Variants in MINDY2 observed in about 807,000 individuals in gnomAD.
The protein encoded by MINDY2 is ubiquitin carboxyl-terminal hydrolase MINDY-2.
MINDY2 carries 52 observed loss-of-function variants against 68.2 expected under a neutral mutation model. The ratio of observed to expected loss-of-function variants is 0.76; its 90% confidence interval spans 0.61 to 0.96. MINDY2 has a LOEUF of 0.96. MINDY2 is among the 40% of genes least tolerant of loss of function. The pLI is 0.00. For synonymous variants in MINDY2, 372 were observed against 303.0 expected, an observed-to-expected ratio of 1.23 and a Z score of -2.36; for missense variants, 881 against 773.4, an observed-to-expected ratio of 1.14 and a Z score of -1.65.
chr15:58,854,545 C>G lies in MINDY2; in HGVS notation c.1801C>G (p.Arg601Gly), dbSNP rs778614769. 5.6e-6 allele frequency: 9 copies of G among 1,612,844 alleles called. No homozygotes were observed. Among genetic ancestry groups the G allele is most frequent in the East Asian group, 2.2e-5 (1 of 44,870 alleles). The change falls in exon 9 of 9, where the codon CGG (arginine) becomes GGG (glycine). Residue 601 changes from arginine to glycine, a missense_variant. Arg to Gly is a moderately radical substitution (Grantham distance 125). Coordinates refer to ENST00000559228, the MANE Select transcript of MINDY2 (RefSeq NM_001040450.3). ...GRQSGNSERK[R>G]KEPREKDKEK... ...ACAATCTGGGAATAGTGAACGTAAA[C>G]GGAAGGAACCACGAGAAAAAGATAA...
intron 3 of MINDY2, among the ~76,000 whole-genome samples, chr15:58,807,159 C>T (rs1310942452): frequency 6.6e-6 from 1 of 151,964 alleles, no homozygotes; most frequent in Non-Finnish European, 1.5e-5. Context: ...TTATCAAACC[C>T]CTCTACAAAC....
chr15:58,852,287 C>CAGAAAAAAAAA (rs1769587750), intron 8 of MINDY2, among the ~76,000 whole-genome samples: 1 of 61,932 alleles, frequency 1.6e-5, no homozygotes, highest in Non-Finnish European at 2.8e-5. Flanking sequence ...GACTCCTTCT[C>CAGAAAAAAAAA]AAAAAAAAAA....
Position 58,810,401 on chromosome 15 carries a change from A to G in MINDY2, c.1122+13A>G. 6.5e-7 allele frequency: 1 copy of G among 1,545,808 alleles called. No homozygotes were observed. Among genetic ancestry groups the G allele is most frequent in the South Asian group, 1.2e-5 (1 of 81,794 alleles). ...AGTAGACCCTCAGGTAAGTCGAAGA[A>G]TTTAAATTATGTAAACACAAATACA... On this transcript the variant is annotated intron_variant, in intron 4 of 8. Transcript: ENST00000559228.
intron 6 of MINDY2, among the ~76,000 whole-genome samples, chr15:58,841,324 C>T (rs1453268087): frequency 2.6e-5 from 4 of 151,576 alleles, no homozygotes; most frequent in Admixed American, 1.3e-4. Flanking sequence ...TTTTGGGGGC[C>T]AGATACAGTG....
chr15:58,818,977 G>A (rs2030883866), intron 4 of MINDY2, among the ~76,000 whole-genome samples: 1 of 151,842 alleles, frequency 6.6e-6, no homozygotes, highest in Non-Finnish European at 1.5e-5. Context: ...TTGGGTTTTG[G>A]GGGGTTTTGT....
intron 5 of MINDY2, among the ~76,000 whole-genome samples, chr15:58,822,251 C>T (rs1321737771): frequency 1.6e-5 from 2 of 127,464 alleles, no homozygotes; most frequent in African/African-American, 5.8e-5. Flanking sequence ...GACTCTGTAT[C>T]AAAAAAAAAA....
intron 1 of MINDY2, among the ~76,000 whole-genome samples, chr15:58,781,748 CA>C (rs1433755813): frequency 9.9e-5 from 15 of 151,994 alleles, no homozygotes; most frequent in African/African-American, 3.6e-4. Context: ...ACTAAAAATG[CA>C]AAAATTAGCC....
chr15:58,839,794 A>G (rs1595771355), intron 6 of MINDY2, among the ~76,000 whole-genome samples: 1 of 149,952 alleles, frequency 6.7e-6, no homozygotes, highest in Non-Finnish European at 1.5e-5. Flanking sequence ...TTTCATCTTT[A>G]TCTATTTATT....
chr15:58,778,043 C>G (rs1900886057), intron 1 of MINDY2, among the ~76,000 whole-genome samples: 1 of 151,860 alleles, frequency 6.6e-6, no homozygotes. Flanking sequence ...TGAAGTTAAG[C>G]CAGAAGGTAT....
At chr15:58,823,557 T>C (rs1221161427) in intron 5 of MINDY2, among the ~76,000 whole-genome samples, 2 of 151,892 alleles carry the variant, frequency 1.3e-5, no homozygotes, top group African/African-American at 4.8e-5. Flanking sequence ...TCCACGTACT[T>C]GGGAGGCTGA....
intron 6 of MINDY2, 46 bp from the exon 7 acceptor site, chr15:58,847,251 T>G: frequency 7.0e-7 from 1 of 1,436,924 alleles, no homozygotes; most frequent in South Asian, 1.4e-5. Flanking sequence ...TATTACTAGT[T>G]TTGATCAATT....
rs780140528 is a variant in MINDY2 at position 58,838,582 on chromosome 15, A to ATTTTTTT, written c.1368+6682_1368+6688dup. Among the ~76,000 whole-genome samples, 389 of 93,070 alleles carry ATTTTTTT rather than the reference A, an allele frequency of 4.2e-3. 18 individuals are homozygous for ATTTTTTT. The highest frequency in any genetic ancestry group is 6.9e-3 in the East Asian group (16 of 2,328). The allele number at this position is 93,070 out of a possible 152,430, so 61.1% of individuals were successfully genotyped here. A position where few individuals can be genotyped will look rare whatever the true frequency, so the allele number is the denominator to read the frequency against. ...TTGTTAGTGGGGCTACTTTTTAGGG[A>ATTTTTTT]TTTTTTTTTTTTTTTTTTTTTTGAG... On this transcript the variant is annotated intron_variant, in intron 6 of 8. Transcript: ENST00000559228.
chr15:58,775,931 T>C (rs1169424130), intron 1 of MINDY2, among the ~76,000 whole-genome samples: 1 of 151,062 alleles, frequency 6.6e-6, no homozygotes, highest in Non-Finnish European at 1.5e-5. Context: ...GGCAGGATCT[T>C]GGCTCACTGC....
intron 2 of MINDY2, among the ~76,000 whole-genome samples, chr15:58,789,233 G>A (rs1193285695): frequency 6.6e-6 from 1 of 152,062 alleles, no homozygotes; most frequent in Non-Finnish European, 1.5e-5. Flanking sequence ...AGCTACTCGG[G>A]AGGCTGAGGC....
intron 1 of MINDY2, among the ~76,000 whole-genome samples, chr15:58,784,220 G>C (rs1362668665): frequency 2.0e-5 from 3 of 151,976 alleles, no homozygotes; most frequent in Non-Finnish European, 2.9e-5. Context: ...CAGCTACTTG[G>C]GAGGCTCAGG....
At chr15:58,800,585 AT>A (rs1158884883) in intron 2 of MINDY2, among the ~76,000 whole-genome samples, 1 of 150,958 alleles carries the variant, frequency 6.6e-6, no homozygotes, top group Non-Finnish European at 1.5e-5. Context: ...TGCTTTCTCC[AT>A]TCATTCTTCC....
chr15:58,832,212 A>G (rs2031761875), intron 6 of MINDY2, among the ~76,000 whole-genome samples: 1 of 151,252 alleles, frequency 6.6e-6, no homozygotes, highest in South Asian at 2.1e-4. Context: ...CCCTAGAGAT[A>G]GAACTAGGAT....
At chr15:58,853,815 TCAATAAAAAA>T (rs2032947951) in intron 8 of MINDY2, among the ~76,000 whole-genome samples, 1 of 69,330 alleles carries the variant, frequency 1.4e-5, no homozygotes. Flanking sequence ...AGACTCCATC[TCAATAAAAAA>T]AAAAAAAAAA....
chr15:58,814,878 A>T (rs1445449803), intron 4 of MINDY2, among the ~76,000 whole-genome samples: 1 of 151,034 alleles, frequency 6.6e-6, no homozygotes, highest in African/African-American at 2.4e-5. Context: ...CCTGGCCTCA[A>T]GCAGTCTTCC....
Sources: gnomAD v4.1 joint callset for allele counts (sites outside exome capture counted in the v4.1 genomes callset) on GRCh38, gnomAD v4.1.1 for gene constraint, MANE v1.5 for transcripts, NCBI Gene and HGNC (gene_info 2026-07-23, HGNC 2026-07-21) for gene names.